Variants in SEMA6D observed in about 807,000 individuals in gnomAD.
SEMA6D encodes the protein semaphorin 6D.
In SEMA6D, 35 loss-of-function variants were observed where a neutral mutation model predicts 106.6. That is an observed-to-expected ratio of 0.33 (90% CI 0.25 to 0.44). SEMA6D has a LOEUF of 0.44. SEMA6D is among the 20% of genes least tolerant of loss of function. The probability of loss-of-function intolerance (pLI) is 1.00; values close to 1 mark genes in which losing one functional copy is unlikely to be tolerated. For missense variants in SEMA6D, 1,185 were observed against 1,345.9 expected (o/e 0.88, Z 1.87); for synonymous variants, 499 against 487.7 (o/e 1.02, Z -0.31).
At chr15:47,315,184 T>TA (rs2036616799) in intron 1 of SEMA6D, among the ~76,000 whole-genome samples, 1 of 152,174 alleles carries the variant, frequency 6.6e-6, no homozygotes, top group African/African-American at 2.4e-5. Flanking sequence ...TCTTAAGTGT[T>TA]ATTTTCTAGG....
intron 1 of SEMA6D, among the ~76,000 whole-genome samples, chr15:47,306,303 G>C (rs558289708): frequency 1.7e-4 from 26 of 151,934 alleles, no homozygotes; most frequent in Non-Finnish European, 3.4e-4. Flanking sequence ...TCATCTTCTA[G>C]CTGGCTCTGG....
intron 1 of SEMA6D, among the ~76,000 whole-genome samples, chr15:47,308,554 A>G (rs2036318720): frequency 6.6e-6 from 1 of 152,194 alleles, no homozygotes; most frequent in African/African-American, 2.4e-5. Context: ...ATCCCGTAAG[A>G]CACAGATAGG....
At chr15:47,659,181 G>T (rs1299811093) in intron 4 of SEMA6D, among the ~76,000 whole-genome samples, 4 of 151,818 alleles carry the variant, frequency 2.6e-5, no homozygotes, top group Non-Finnish European at 5.9e-5. Context: ...TACAAATAAT[G>T]TGATATATCA....
intron 1 of SEMA6D, among the ~76,000 whole-genome samples, chr15:47,327,304 G>C (rs1011991380): frequency 6.6e-6 from 1 of 152,210 alleles, no homozygotes; most frequent in Non-Finnish European, 1.5e-5. Flanking sequence ...CAGTGGCTTA[G>C]TGCCAAGCAT....
intron 2 of SEMA6D, among the ~76,000 whole-genome samples, chr15:47,456,974 C>T (rs555700925): frequency 7.2e-5 from 11 of 152,056 alleles, no homozygotes; most frequent in African/African-American, 2.6e-4. Flanking sequence ...AAACCACCCA[C>T]ATCTTGAGAA....
chr15:47,262,532 C>G (rs1210922870), intron 1 of SEMA6D, among the ~76,000 whole-genome samples: 1 of 151,964 alleles, frequency 6.6e-6, no homozygotes, highest in African/African-American at 2.4e-5. Flanking sequence ...CTCATAATCA[C>G]AAGAATAGCA....
chr15:47,711,356 T>C (rs1191395168), intron 4 of SEMA6D, among the ~76,000 whole-genome samples: 1 of 150,474 alleles, frequency 6.6e-6, no homozygotes, highest in Non-Finnish European at 1.5e-5. Flanking sequence ...TTATTTTTAC[T>C]CGCTGACTGG....
rs144755591 is a variant in SEMA6D at position 47,277,001 on chromosome 15, C to A, written c.-239+92583C>A. Among the ~76,000 whole-genome samples, 970 of 152,174 alleles carry A rather than the reference C, an allele frequency of 6.4e-3. 17 individuals are homozygous for A. The highest frequency in any genetic ancestry group is 0.047 in the East Asian group (243 of 5,166). On this transcript the variant is annotated intron_variant, in intron 1 of 19. Coordinates refer to the SEMA6D transcript ENST00000558014. ...CATGGATGACCTTGAGGGGTTAATACTTCAGTGGAGGAAATAACTGTAGAT... is the reference window on the plus strand; with the variant it reads ...CATGGATGACCTTGAGGGGTTAATAATTCAGTGGAGGAAATAACTGTAGAT...
chr15:47,518,895 A>T (rs2044476368), intron 3 of SEMA6D, among the ~76,000 whole-genome samples: 1 of 151,470 alleles, frequency 6.6e-6, no homozygotes, highest in East Asian at 1.9e-4. Flanking sequence ...TTTGCAGTTA[A>T]TTTTTTTTTA....
At chr15:47,534,923 C>T (rs1381991633) in intron 3 of SEMA6D, among the ~76,000 whole-genome samples, 2 of 151,688 alleles carry the variant, frequency 1.3e-5, no homozygotes, top group African/African-American at 4.8e-5. Flanking sequence ...CTATGCATAC[C>T]AAATGTAAAT....
chr15:47,688,220 C>T (rs2078511358), intron 4 of SEMA6D, among the ~76,000 whole-genome samples: 1 of 152,068 alleles, frequency 6.6e-6, no homozygotes, highest in African/African-American at 2.4e-5. Context: ...GTATTTGGCT[C>T]TAAAATAAGA....
chr15:47,634,406 TGA>T (rs1310782373), intron 4 of SEMA6D, among the ~76,000 whole-genome samples: 8 of 152,134 alleles, frequency 5.3e-5, no homozygotes, highest in African/African-American at 1.7e-4. Flanking sequence ...GGAGGAGGGC[TGA>T]GTCACACAAC....
At chr15:47,207,987 GCGCGCGCACACACACACA>G (rs1191137909) in intron 1 of SEMA6D, among the ~76,000 whole-genome samples, 1 of 63,406 alleles carries the variant, frequency 1.6e-5, no homozygotes, top group African/African-American at 5.6e-5. Flanking sequence ...AGCCACTGGC[GCGCGCGCACACACACACA>G]CACACACACA....
chr15:47,282,939 C>T (rs1426536557), intron 1 of SEMA6D, among the ~76,000 whole-genome samples: 2 of 152,192 alleles, frequency 1.3e-5, no homozygotes, highest in African/African-American at 4.8e-5. Context: ...GCTGTGCCCC[C>T]TCTCTCCTGC....
At chr15:47,754,544 T>G (rs1597009500) in intron 1 of SEMA6D, among the ~76,000 whole-genome samples, 2 of 152,198 alleles carry the variant, frequency 1.3e-5, no homozygotes, top group Admixed American at 1.3e-4. Context: ...TGGAAGGTAA[T>G]GTATCTTAGT....
At position 47,370,710 on chromosome 15, in the gene SEMA6D, A is replaced by ATT. The variant is rs753063711; in HGVS notation, c.-238-41681_-238-41680dup. Among the ~76,000 whole-genome samples the ATT allele has an allele frequency of 3.3e-4, 45 of 138,300 alleles. 3 individuals carry two copies. Among genetic ancestry groups the ATT allele is most frequent in the African/African-American group, 1.1e-3 (42 of 36,962 alleles). 90.7% of individuals were successfully genotyped at this position (138,300 alleles called of 152,430 possible). On this transcript the variant is annotated intron_variant, in intron 1 of 19. Transcript: ENST00000558014. ...AAAAAAAAAAAAAAAAAAAAAAAAA[A>ATT]TTTGATGGGTGTGGCAGCACGCGCC...
At chr15:47,464,507 C>T (rs977298181) in intron 2 of SEMA6D, among the ~76,000 whole-genome samples, 14 of 152,078 alleles carry the variant, frequency 9.2e-5, no homozygotes, top group Admixed American at 8.5e-4. Context: ...CTGATGCTCC[C>T]AGATCAGCCA....
chr15:47,267,928 A>G (rs771827414), intron 1 of SEMA6D, among the ~76,000 whole-genome samples: 1 of 151,960 alleles, frequency 6.6e-6, no homozygotes, highest in Non-Finnish European at 1.5e-5. Context: ...CATCATTTGT[A>G]TGCTTTTCTC....
intron 3 of SEMA6D, among the ~76,000 whole-genome samples, chr15:47,536,607 A>G (rs756347147): frequency 6.6e-6 from 1 of 152,230 alleles, no homozygotes; most frequent in African/African-American, 2.4e-5. Context: ...CCTGAAAAAT[A>G]TATCTTATTA....
Sources: allele counts gnomAD v4.1 joint callset (sites outside exome capture counted in the v4.1 genomes callset), GRCh38; gene constraint gnomAD v4.1.1; transcripts MANE v1.5; gene names NCBI Gene and HGNC (gene_info 2026-07-23, HGNC 2026-07-21).